LZTS1: variants seen among roughly 807,000 people sequenced by gnomAD.
LZTS1 encodes the protein leucine zipper putative tumor suppressor 1.
LZTS1 carries 31 observed loss-of-function variants against 45.8 expected under a neutral mutation model. The ratio of observed to expected loss-of-function variants is 0.68; its 90% CI spans 0.51 to 0.91. The LOEUF is 0.91. LZTS1 is among the 40% of genes least tolerant of loss of function. LZTS1 has a pLI of 0.00. For synonymous variants in LZTS1, 359 were observed against 357.3 expected (o/e 1.00, Z -0.05); for missense variants, 821 against 788.9 (o/e 1.04, Z -0.49).
intron 1 of LZTS1, among the ~76,000 whole-genome samples, chr8:20,268,584 C>T (rs1216097583): frequency 1.3e-5 from 2 of 152,192 alleles, no homozygotes; most frequent in Non-Finnish European, 2.9e-5. Context: ...ATCATCTCAG[C>T]CCAGGCTGCA....
intron 1 of LZTS1, among the ~76,000 whole-genome samples, chr8:20,301,297 G>A (rs1247662831): frequency 1.3e-5 from 2 of 152,024 alleles, no homozygotes; most frequent in African/African-American, 4.8e-5. Flanking sequence ...CCTGCCCCTC[G>A]GTTTTGTAGC....
rs544171153 is a variant in LZTS1, at chr8:20,249,518, C to T, written c.*204G>A. 11 of 633,272 alleles carry T rather than the reference C, an allele frequency of 1.7e-5. No homozygotes were observed. Among genetic ancestry groups the T allele is most frequent in the Non-Finnish European group, 2.4e-5 (9 of 372,154 alleles). 39.2% of individuals were successfully genotyped at this position (633,272 alleles called of 1,614,324 possible). ...GAAAGCCAGAGGAGTCAGGGCCTGA[C>T]GTCTGGTGGGCTGCAGGGCTGGTGA... On this transcript the variant is annotated 3_prime_UTR_variant, in exon 4 of 4. Coordinates refer to ENST00000381569, the MANE Select transcript of LZTS1 (RefSeq NM_021020.5).
Position 20,303,766 on chromosome 8 carries a change from G to C in LZTS1, c.-161C>G. ...TGCCCCCTGCGCCTCGGGCGCACTTGAGACTTTTTTTTTTTCCCAGTGTTT... is the reference window on the plus strand; with the variant it reads ...TGCCCCCTGCGCCTCGGGCGCACTTCAGACTTTTTTTTTTTCCCAGTGTTT... On this transcript the variant is annotated 5_prime_UTR_variant, in exon 1 of 4. Coordinates refer to ENST00000381569, the MANE Select transcript of LZTS1 (RefSeq NM_021020.5). 1.0e-6 allele frequency: 1 copy of C among 985,002 alleles called. No individual in the cohort carries two copies. Among genetic ancestry groups the C allele is most frequent in the Non-Finnish European group, 1.2e-6 (1 of 830,116 alleles). The allele number at this position is 985,002 out of a possible 1,614,324, so 61.0% of individuals were successfully genotyped here. A position where few individuals can be genotyped will look rare whatever the true frequency, so the allele number is the denominator to read the frequency against.
At chr8:20,301,062 G>C (rs561955993) in intron 1 of LZTS1, among the ~76,000 whole-genome samples, 1 of 151,004 alleles carries the variant, frequency 6.6e-6, no homozygotes, top group African/African-American at 2.4e-5. Flanking sequence ...TGGAGGTTGC[G>C]GTGAGCCAAG....
At position 20,250,202 on chromosome 8, in the gene LZTS1, C is replaced by A; in HGVS notation, c.1311G>T (p.Glu437Asp). 6.2e-7 allele frequency: 1 copy of A among 1,612,296 alleles called. No homozygotes were observed. Among genetic ancestry groups the A allele is most frequent in the East Asian group, 2.2e-5 (1 of 44,862 alleles). ...EGLELRTQDLEGALRTKGLEL... is the reference protein window; with the variant it reads ...EGLELRTQDLDGALRTKGLEL... Reference sequence around the variant, plus strand: ...CCAGGCCCTTGGTGCGCAGGGCGCCCTCCAGGTCCTGGGTCCTCAGCTCCA... The same window carrying A: ...CCAGGCCCTTGGTGCGCAGGGCGCCATCCAGGTCCTGGGTCCTCAGCTCCA... Residue 437 changes from glutamate (E) to aspartate (D), a missense_variant, in exon 4 of 4, where the codon GAG becomes GAT. By Grantham distance (45) the Glu-to-Asp change is conservative. Transcript: ENST00000381569.
Position 20,254,941 on chromosome 8 carries a change from C to G in LZTS1, c.241G>C (p.Asp81His). The G allele has an allele frequency of 6.2e-7, 1 of 1,614,222 alleles. No individual in the cohort carries two copies. The highest frequency in any genetic ancestry group is 8.5e-7 in the Non-Finnish European group (1 of 1,180,042). ...SQKARGSHHP[D>H]YTALSSGDLG... ...TCCCCGCTGGACAGTGCCGTGTAAT[C>G]TGGGTGATGGGAGCCCCGGGCTTTC... Residue 81 changes from aspartate to histidine, a missense_variant, in exon 2 of 4, where the codon GAT becomes CAT. Transcript: ENST00000381569.
chr8:20,302,942 G>T (rs1194884613), intron 1 of LZTS1, among the ~76,000 whole-genome samples: 2 of 152,102 alleles, frequency 1.3e-5, no homozygotes, highest in Non-Finnish European at 2.9e-5. Flanking sequence ...TGGTGTCTCG[G>T]GGATGCCTGT....
At chr8:20,269,893 G>C (rs1214423329) in intron 1 of LZTS1, among the ~76,000 whole-genome samples, 7 of 152,148 alleles carry the variant, frequency 4.6e-5, no homozygotes, top group Admixed American at 4.6e-4. Flanking sequence ...AAGTGCAGCA[G>C]GTGCACGACT....
chr8:20,294,016 G>A (rs1466899625), intron 1 of LZTS1, among the ~76,000 whole-genome samples: 2 of 152,166 alleles, frequency 1.3e-5, no homozygotes, highest in Non-Finnish European at 2.9e-5. Context: ...AAAGTTCTTG[G>A]CAGTGAGTAT....
chr8:20,264,875 G>A (rs1049433376), intron 1 of LZTS1, among the ~76,000 whole-genome samples: 1 of 152,226 alleles, frequency 6.6e-6, no homozygotes, highest in African/African-American at 2.4e-5. Flanking sequence ...ATTTCCAGCT[G>A]AGGGGAAGAG....
chr8:20,290,110 C>T (rs1468665137), intron 1 of LZTS1: 1 of 152,238 alleles, frequency 6.6e-6, no homozygotes, highest in East Asian at 1.9e-4. Flanking sequence ...GCCATGCGAG[C>T]CCCGTGTTGG....
chr8:20,268,882 G>C (rs891694824), intron 1 of LZTS1, among the ~76,000 whole-genome samples: 1 of 152,066 alleles, frequency 6.6e-6, no homozygotes, highest in Non-Finnish European at 1.5e-5. Context: ...CATTCCATCG[G>C]GTCGAACAAT....
chr8:20,284,366 G>GGA (rs1800750268), intron 1 of LZTS1, among the ~76,000 whole-genome samples: 1 of 152,198 alleles, frequency 6.6e-6, no homozygotes, highest in South Asian at 2.1e-4. Flanking sequence ...ACCATCTCTG[G>GGA]GAGACCAGAG....
chr8:20,301,706 T>C (rs1024912223), intron 1 of LZTS1, among the ~76,000 whole-genome samples: 1 of 152,044 alleles, frequency 6.6e-6, no homozygotes, highest in African/African-American at 2.4e-5. Context: ...GGCACATCTT[T>C]CCCTCACACA....
chr8:20,266,978 C>T (rs556431357), intron 1 of LZTS1, among the ~76,000 whole-genome samples: 11 of 151,908 alleles, frequency 7.2e-5, no homozygotes, highest in East Asian at 3.9e-4. Context: ...CATGGTGGCG[C>T]GCACCTGTAG....
At chr8:20,277,825 C>T (rs964234251) in intron 1 of LZTS1, among the ~76,000 whole-genome samples, 29 of 152,200 alleles carry the variant, frequency 1.9e-4, no homozygotes, top group African/African-American at 7.0e-4. Context: ...CCCAGTAGGA[C>T]TTGCTGTGTC....
intron 1 of LZTS1, among the ~76,000 whole-genome samples, chr8:20,272,864 C>T (rs956816666): frequency 2.0e-5 from 3 of 152,182 alleles, no homozygotes; most frequent in African/African-American, 7.2e-5. Flanking sequence ...TTATTCTCTC[C>T]CATGAGCATT....
At position 20,252,984 on chromosome 8, in the gene LZTS1, T is replaced by C. The variant is rs775638587; in HGVS notation, c.947A>G (p.Lys316Arg). ...GCTCTTCTGCGAGGCCTGCTTGAGC[T>C]TGTTGCCGCCTTTGGGCTCCGGGCC... ...LEGPEPKGGN[K>R]LKQASQKSQR... Residue 316 changes from lysine to arginine, a missense_variant, in exon 3 of 4, where the codon AAG (lysine) becomes AGG (arginine). By Grantham distance (26) the Lys-to-Arg change is conservative. Transcript: ENST00000381569. 6.3e-7 allele frequency: 1 copy of C among 1,588,128 alleles called. No homozygotes were observed. The highest frequency in any genetic ancestry group is 8.6e-7 in the Non-Finnish European group (1 of 1,167,258).
At position 20,250,225 on chromosome 8, in the gene LZTS1, C is replaced by G. The variant is rs776924093; in HGVS notation, c.1288G>C (p.Glu430Gln). ...CCCTCCAGGTCCTGGGTCCTCAGCT[C>G]CAGGCCCTCCAGCTTGCCCCGCGTG... Reference protein sequence around the residue: ...KDTRGKLEGLELRTQDLEGAL... With the variant: ...KDTRGKLEGLQLRTQDLEGAL... Residue 430 changes from glutamate to glutamine, a missense_variant, in exon 4 of 4, where the codon GAG (glutamate) becomes CAG (glutamine). Transcript: ENST00000381569. 4 of 1,613,050 alleles carry G rather than the reference C, an allele frequency of 2.5e-6. No individual in the cohort carries two copies. Among genetic ancestry groups the G allele is most frequent in the African/African-American group, 2.7e-5 (2 of 74,958 alleles).
Sources: allele counts gnomAD v4.1 joint callset (sites outside exome capture counted in the v4.1 genomes callset), GRCh38; gene constraint gnomAD v4.1.1; transcripts MANE v1.5; gene names NCBI Gene and HGNC (gene_info 2026-07-23, HGNC 2026-07-21).